TMF1: variants seen among roughly 807,000 people sequenced by gnomAD.
The protein encoded by TMF1 is TATA element modulatory factor.
A neutral mutation model predicts 126.5 loss-of-function variants in TMF1; 71 were observed. The ratio of observed to expected loss-of-function variants is 0.56; its 90% CI spans 0.46 to 0.68. TMF1 has a LOEUF of 0.68. TMF1 is among the 30% of genes least tolerant of loss of function. TMF1 has a pLI of 0.00. For synonymous variants in TMF1, 461 were observed against 430.5 expected, an observed-to-expected ratio of 1.07 and a Z score of -0.88; for missense variants, 1,259 against 1,253.2, an observed-to-expected ratio of 1.00 and a Z score of -0.07.
chr3:69,049,508 G>A lies in TMF1; in HGVS notation c.143-946C>T, dbSNP rs896429966. Among the ~76,000 whole-genome samples, 7 of 152,192 alleles carry A rather than the reference G, an allele frequency of 4.6e-5. No individual in the cohort carries two copies. The South Asian group carries it at 1.4e-3, about 32-fold the overall frequency. ...ATTTTCATCCACTTAATCACAGGCT[G>A]ATTCTCTAAATCCCACTCTCCAAGC... On this transcript the variant is annotated intron_variant, in intron 1 of 16. Transcript: ENST00000398559.
At position 69,034,298 on chromosome 3, in the gene TMF1, C is replaced by A. The variant is rs189369951; in HGVS notation, c.2245-594G>T. Among the ~76,000 whole-genome samples, 42 of 152,044 alleles carry A rather than the reference C, an allele frequency of 2.8e-4. 1 individual carries two copies. In the East Asian group the frequency reaches 8.2e-3, roughly 30 times the overall value. Reference sequence around the variant, plus strand: ...GACCAGCCTGGCCAACATGGTGAAACCTCATCTCTACTAAAAATACAAAAA... The same window carrying A: ...GACCAGCCTGGCCAACATGGTGAAAACTCATCTCTACTAAAAATACAAAAA... On this transcript the variant is annotated intron_variant, in intron 9 of 16. Transcript: ENST00000398559.
chr3:69,042,407 A>C (rs1286972233), intron 5 of TMF1: 1 of 457,090 alleles, frequency 2.2e-6, no homozygotes, highest in African/African-American at 2.0e-5. Flanking sequence ...ACAATGAAAA[A>C]TTCACTATCA....
rs773261472 is a variant in TMF1, at chr3:69,048,199, G to A, written c.506C>T (p.Ser169Leu). 4 of 1,614,212 alleles carry A rather than the reference G, an allele frequency of 2.5e-6. No individual in the cohort carries two copies. Among genetic ancestry groups the A allele is most frequent in the Middle Eastern group, 1.6e-4 (1 of 6,062 alleles). The part of the protein sequence containing the change: ...VSGETLAAGT[S>L]SPKTEGKHEE... ...GTGCTTGCCTTCAGTTTTAGGTGAT[G>A]AAGTACCTGCTGCCAGAGTTTCCCC... The change falls in exon 2 of 17, where the codon TCA becomes TTA. Residue 169 changes from serine to leucine, a missense_variant. Coordinates refer to ENST00000398559, the MANE Select transcript of TMF1 (RefSeq NM_007114.3).
chr3:69,035,069 G>A lies in TMF1; in HGVS notation c.2198C>T (p.Ala733Val). The change falls in exon 9 of 17, where the codon GCC (alanine) becomes GTC (valine). Residue 733 changes from alanine to valine, a missense_variant. Transcript: ENST00000398559. ...LALQRTEQAA[A>V]RKEDYLRHEI... ...ATGGCGTAAATAATCCTCCTTTCTG[G>A]CAGCCGCTTGTTCTGTACGCTGCAA... is the stretch of plus-strand genomic sequence containing the variant. 6.2e-7 allele frequency: 1 copy of A among 1,614,102 alleles called. No individual in the cohort carries two copies. Among genetic ancestry groups the A allele is most frequent in the Non-Finnish European group, 8.5e-7 (1 of 1,180,020 alleles).
intron 10 of TMF1, among the ~76,000 whole-genome samples, chr3:69,033,297 T>C (rs1354032407): frequency 6.9e-6 from 1 of 144,798 alleles, no homozygotes; most frequent in Non-Finnish European, 1.5e-5. Flanking sequence ...AAAAAAGAAC[T>C]GAATGAAAGA....
chr3:69,021,544 ACTGT>A lies in TMF1; in HGVS notation c.*1629_*1632del, dbSNP rs1202024557. The A allele has an allele frequency of 6.6e-6, 1 of 152,444 alleles. No homozygotes were observed. The highest frequency in any genetic ancestry group is 2.4e-5 in the African/African-American group (1 of 41,446). The allele number at this position is 152,444 out of a possible 1,614,324, so 9.4% of individuals were successfully genotyped here. A position where few individuals can be genotyped will look rare whatever the true frequency, so the allele number is the denominator to read the frequency against. On this transcript the variant is annotated 3_prime_UTR_variant, in exon 17 of 17. Transcript: ENST00000398559. ...CAATCAGAGATCCAATGACAGAAAC[ACTGT>A]CTGGAATACAAAAAGAACAAAAAAT...
At chr3:69,033,808 A>G in intron 9 of TMF1, 104 bp from the exon 10 acceptor site, 1 of 1,078,024 alleles carries the variant, frequency 9.3e-7, no homozygotes, top group Non-Finnish European at 1.3e-6. Flanking sequence ...TATTTTTCCA[A>G]GAGAAAATAA....
At position 69,035,077 on chromosome 3, in the gene TMF1, T is replaced by C; in HGVS notation, c.2190A>G (p.Gln730=). 2 of 1,614,200 alleles carry C rather than the reference T, an allele frequency of 1.2e-6. No homozygotes were observed. Among genetic ancestry groups the C allele is most frequent in the African/African-American group, 1.3e-5 (1 of 75,058 alleles). ...DLRLALQRTE[Q]AAARKEDYLR... The stretch of plus-strand genomic sequence containing the variant: ...AATAATCCTCCTTTCTGGCAGCCGC[T>C]TGTTCTGTACGCTGCAATGCAAGCC... The change falls in exon 9 of 17, where the codon CAA becomes CAG. Residue 730 remains glutamine, a synonymous_variant. Transcript: ENST00000398559.
chr3:69,033,920 TC>T (rs2091818709), intron 9 of TMF1: 1 of 374,236 alleles, frequency 2.7e-6, no homozygotes, highest in African/African-American at 2.1e-5. Context: ...AGCCTCAACC[TC>T]CTAGGCTCAA....
In TMF1 at chr3:69,029,829, C is replaced by T. The variant is rs1226880676; in HGVS notation, c.2580G>A (p.Glu860=). 1 of 1,610,996 alleles carries T rather than the reference C, an allele frequency of 6.2e-7. No homozygotes were observed. Among genetic ancestry groups the T allele is most frequent in the East Asian group, 2.2e-5 (1 of 44,842 alleles). Residue 860 remains glutamate, a synonymous_variant, in exon 11 of 17, where the codon GAG becomes GAA. Transcript: ENST00000398559. ...ACCATGCTCACCTATTGTTCTCATC[C>T]TCCAGTTTACACAGCCTATTTTTCT... is the stretch of plus-strand genomic sequence containing the variant. ...ESEKNRLCKL[E]DENNRYQVEL... is the part of the protein sequence containing the mutation.
intron 11 of TMF1, 75 bp downstream of exon 11, chr3:69,029,740 C>A: frequency 7.1e-7 from 1 of 1,412,972 alleles, no homozygotes. Context: ...GGCGCCCGGC[C>A]CAACAACATA....
rs567850949 is a variant in TMF1 at position 69,051,397 on chromosome 3, C to T, written c.142+548G>A. Among the ~76,000 whole-genome samples the T allele has an allele frequency of 2.0e-3, 307 of 152,196 alleles. 3 individuals carry two copies. The highest frequency in any genetic ancestry group is 7.2e-3 in the African/African-American group (298 of 41,518). On this transcript the variant is annotated intron_variant, in intron 1 of 16. Transcript: ENST00000398559. Reference sequence around the variant, plus strand: ...GGCTGGGGAAGGAGAATCGCTAGAACCTGGGAGGCGGAGGTTGCAGTGAGC... The same window carrying T: ...GGCTGGGGAAGGAGAATCGCTAGAATCTGGGAGGCGGAGGTTGCAGTGAGC...
chr3:69,026,366 G>T (rs968997737), intron 13 of TMF1, among the ~76,000 whole-genome samples: 7 of 152,344 alleles, frequency 4.6e-5, no homozygotes, highest in Middle Eastern at 3.4e-3. Context: ...GGAGGCCAAG[G>T]AGGGTGGATC....
chr3:69,041,168 C>T (rs897265842), intron 5 of TMF1, among the ~76,000 whole-genome samples: 1 of 152,084 alleles, frequency 6.6e-6, no homozygotes, highest in Non-Finnish European at 1.5e-5. Context: ...ATGCAGTTAG[C>T]CTTCCCCTCA....
intron 11 of TMF1, among the ~76,000 whole-genome samples, chr3:69,029,439 TATTTA>T (rs1376680454): frequency 1.7e-5 from 2 of 115,942 alleles, no homozygotes; most frequent in African/African-American, 3.3e-5. Context: ...TTTATTTACT[TATTTA>T]ATTTATTTTT....
chr3:69,045,961 T>A (rs13084180), intron 2 of TMF1, among the ~76,000 whole-genome samples: 16,313 of 151,454 alleles, frequency 0.11, 1,192 homozygotes, highest in Middle Eastern at 0.19. Flanking sequence ...GCGGATTAGG[T>A]GGGAGGACTG....
In TMF1 at chr3:69,029,948, G is replaced by A. The variant is rs370672484; in HGVS notation, c.2461C>T (p.Leu821Phe). Residue 821 changes from leucine (L) to phenylalanine (F), a missense_variant, in exon 11 of 17, where the codon CTC (leucine) becomes TTC (phenylalanine). By Grantham distance (22) the Leu-to-Phe change is conservative. Transcript: ENST00000398559. Reference protein sequence around the residue: ...VERERAATEELLANKIQMSSM... With the variant: ...VERERAATEEFLANKIQMSSM... ...GACATCTGAATTTTGTTAGCAAGGA[G>A]TTCTTCTGTAGCTGCACGTTCTCTC... 8.1e-6 allele frequency: 13 copies of A among 1,614,036 alleles called. No homozygotes were observed. The highest frequency in any genetic ancestry group is 1.1e-5 in the South Asian group (1 of 91,084).
chr3:69,033,406 AAAAGAG>A, intron 10 of TMF1, 136 bp downstream of exon 10: 2 of 997,102 alleles, frequency 2.0e-6, no homozygotes, highest in Non-Finnish European at 2.8e-6. Flanking sequence ...TACATGTAGA[AAAAGAG>A]AAAATGTAAA....
At chr3:69,026,668 G>A (rs1377743620) in intron 13 of TMF1, among the ~76,000 whole-genome samples, 2 of 150,928 alleles carry the variant, frequency 1.3e-5, no homozygotes, top group African/African-American at 5.0e-5. Context: ...AATTAAAACT[G>A]TAGCTAGACT....
Sources: allele counts gnomAD v4.1 joint callset (sites outside exome capture counted in the v4.1 genomes callset), GRCh38; gene constraint gnomAD v4.1.1; transcripts MANE v1.5; gene names NCBI Gene and HGNC (gene_info 2026-07-23, HGNC 2026-07-21).